ITCH: variants seen among roughly 807,000 people sequenced by gnomAD.
ITCH encodes E3 ubiquitin-protein ligase Itchy homolog.
Under a neutral mutation model 126.8 loss-of-function variants are expected in ITCH, and 28 were observed. The observed-to-expected ratio is 0.22, with a 90% confidence interval of 0.16 to 0.30. ITCH has a LOEUF of 0.30. Ranked by LOEUF, ITCH falls within the 10% of genes least tolerant of loss-of-function variation. The pLI, the probability that ITCH is intolerant of heterozygous loss-of-function variation, is 1.00. For synonymous variants in ITCH, 342 were observed against 340.0 expected (o/e 1.01, Z -0.06); for missense variants, 631 against 1,032.4 (o/e 0.61, Z 5.33).
At chr20:34,381,140 C>T (rs1315273713) in intron 2 of ITCH, among the ~76,000 whole-genome samples, 1 of 152,136 alleles carries the variant, frequency 6.6e-6, no homozygotes, top group Non-Finnish European at 1.5e-5. Flanking sequence ...GTGGCTTGCG[C>T]CTGTAATCCC....
At chr20:34,458,795 G>A in intron 13 of ITCH, among the ~76,000 whole-genome samples, 1 of 152,178 alleles carries the variant, frequency 6.6e-6, no homozygotes, top group East Asian at 1.9e-4. Flanking sequence ...CAGTCCTATA[G>A]GATTAGTGGC....
At chr20:34,456,055 G>GC (rs1199075857) in intron 12 of ITCH, among the ~76,000 whole-genome samples, 2 of 149,604 alleles carry the variant, frequency 1.3e-5, no homozygotes, top group East Asian at 2.0e-4. Context: ...ATAATGCCTA[G>GC]CATATACCTT....
intron 22 of ITCH, among the ~76,000 whole-genome samples, chr20:34,490,299 G>A (rs1029070015): frequency 2.0e-5 from 3 of 152,126 alleles, no homozygotes; most frequent in African/African-American, 4.8e-5. Flanking sequence ...GAATCATAAC[G>A]GTATCTCTCT....
At chr20:34,504,029 C>T (rs1362003593) in intron 23 of ITCH, among the ~76,000 whole-genome samples, 2 of 151,694 alleles carry the variant, frequency 1.3e-5, no homozygotes, top group African/African-American at 2.4e-5. Context: ...TACAGGCATA[C>T]GCCACCACAC....
At chr20:34,498,940 A>G (rs1162244474) in intron 23 of ITCH, among the ~76,000 whole-genome samples, 2 of 149,514 alleles carry the variant, frequency 1.3e-5, no homozygotes, top group African/African-American at 2.4e-5. Context: ...TTAGAATTCC[A>G]TTGGTTCCTA....
chr20:34,401,125 A>G lies in ITCH; in HGVS notation c.70+7244A>G, dbSNP rs117400673. 9.2e-3 allele frequency among the ~76,000 whole-genome samples: 1,407 copies of G among 152,268 alleles called. 10 individuals are homozygous for G. Among genetic ancestry groups the G allele is most frequent in the Non-Finnish European group, 0.015 (1,022 of 68,016 alleles). Reference sequence around the variant, plus strand: ...CCCAGGCTGGTCTTGGATGTTTTGAATCAGCTCTTCGTTTCTTCTTATCAT... The same window carrying G: ...CCCAGGCTGGTCTTGGATGTTTTGAGTCAGCTCTTCGTTTCTTCTTATCAT... On this transcript the variant is annotated intron_variant, in intron 3 of 24. Transcript: ENST00000374864.
intron 20 of ITCH, 37 bp from the exon 21 acceptor site, chr20:34,489,229 A>G: frequency 1.9e-6 from 3 of 1,599,314 alleles, no homozygotes; most frequent in Non-Finnish European, 2.6e-6. Context: ...GATAAGATCT[A>G]AACTTCCTGA....
intron 24 of ITCH, among the ~76,000 whole-genome samples, chr20:34,507,290 G>T (rs6058067): frequency 0.49 from 33,379 of 68,578 alleles, 5,587 homozygotes; most frequent in South Asian, 0.53. Flanking sequence ...TTTTTTTTTT[G>T]GTTGTTGTTG....
chr20:34,415,454 G>A (rs1437721517), intron 6 of ITCH, among the ~76,000 whole-genome samples: 1 of 152,120 alleles, frequency 6.6e-6, no homozygotes, highest in Non-Finnish European at 1.5e-5. Flanking sequence ...GTACTTGGGA[G>A]GCTGAGGTGG....
At chr20:34,501,847 T>A (rs1259740216) in intron 23 of ITCH, among the ~76,000 whole-genome samples, 1 of 150,110 alleles carries the variant, frequency 6.7e-6, no homozygotes. Flanking sequence ...AATAATAGAC[T>A]TAAGTATATG....
intron 2 of ITCH, chr20:34,384,265 C>T (rs1191909184): frequency 5.6e-5 from 8 of 142,240 alleles, no homozygotes; most frequent in African/African-American, 2.1e-4. Flanking sequence ...TTGGACCAGC[C>T]GAGGCCTGTA....
chr20:34,489,724 T>C, intron 21 of ITCH, 98 bp from the exon 22 acceptor site: 1 of 851,308 alleles, frequency 1.2e-6, no homozygotes, highest in South Asian at 1.3e-5. Context: ...AGCCTACTGA[T>C]TGTTATTCTA....
At chr20:34,408,597 C>A (rs1189854361) in intron 3 of ITCH, 54 bp from the exon 4 acceptor site, 1 of 1,491,166 alleles carries the variant, frequency 6.7e-7, no homozygotes, top group Non-Finnish European at 9.3e-7. Context: ...AAATTGATTT[C>A]ATGAGTGAAT....
At chr20:34,402,670 C>A in intron 3 of ITCH, 1 of 544,482 alleles carries the variant, frequency 1.8e-6, no homozygotes, top group South Asian at 1.8e-5. Flanking sequence ...CACCATCACC[C>A]ACAACAACAC....
chr20:34,394,209 CAAAAAAAAAAAAAAA>C (rs59876098), intron 3 of ITCH, among the ~76,000 whole-genome samples: 2 of 62,954 alleles, frequency 3.2e-5, no homozygotes, highest in Non-Finnish European at 6.4e-5. Flanking sequence ...GAGACTGTCT[CAAAAAAAAAAAAAAA>C]AAAAAAAACT....
chr20:34,365,303 A>C (rs1019295580), intron 1 of ITCH, among the ~76,000 whole-genome samples: 3 of 152,248 alleles, frequency 2.0e-5, no homozygotes, highest in Non-Finnish European at 2.9e-5. Flanking sequence ...CATTACATTC[A>C]GCATACAGGT....
At chr20:34,380,930 C>T (rs914270469) in intron 2 of ITCH, among the ~76,000 whole-genome samples, 4 of 151,730 alleles carry the variant, frequency 2.6e-5, no homozygotes, top group Non-Finnish European at 5.9e-5. Flanking sequence ...TGGGATTACA[C>T]GTATGTGTCA....
chr20:34,417,967 C>CTTT (rs796201494), intron 6 of ITCH, among the ~76,000 whole-genome samples: 4 of 137,396 alleles, frequency 2.9e-5, no homozygotes, highest in Non-Finnish European at 6.4e-5. Flanking sequence ...TTACTTTCAA[C>CTTT]TTTTTTTTTT....
At chr20:34,442,369 C>G (rs1255220422) in intron 10 of ITCH, 66 bp downstream of exon 10, 1 of 1,130,866 alleles carries the variant, frequency 8.8e-7, no homozygotes, top group African/African-American at 1.5e-5. Context: ...ACTGTATAAT[C>G]TTCCCTACAT....
Sources: gnomAD v4.1 joint callset for allele counts (sites outside exome capture counted in the v4.1 genomes callset) on GRCh38, gnomAD v4.1.1 for gene constraint, MANE v1.5 for transcripts, NCBI Gene and HGNC (gene_info 2026-07-23, HGNC 2026-07-21) for gene names.